Variants in LMBR1 observed in about 807,000 individuals in gnomAD.
LMBR1 encodes limb region 1 protein homolog.
LMBR1 carries 52 observed loss-of-function variants against 73.9 expected under a neutral mutation model. That is an observed-to-expected ratio of 0.70 (90% CI 0.56 to 0.89). The LOEUF is 0.89. LMBR1 is among the 40% of genes least tolerant of loss of function. The probability of loss-of-function intolerance (pLI) is 0.00; values close to 1 mark genes in which losing one functional copy is unlikely to be tolerated. For synonymous variants in LMBR1, 215 were observed against 209.4 expected (o/e 1.03, Z -0.23); for missense variants, 539 against 579.8 (o/e 0.93, Z 0.72).
intron 1 of LMBR1, among the ~76,000 whole-genome samples, chr7:156,842,388 T>G (rs1276824807): frequency 1.3e-5 from 2 of 151,984 alleles, no homozygotes; most frequent in African/African-American, 4.8e-5. Context: ...GTTATTTAAT[T>G]AAGATGTGCG....
intron 1 of LMBR1, among the ~76,000 whole-genome samples, chr7:156,843,539 C>T (rs1292987698): frequency 4.6e-5 from 7 of 152,080 alleles, no homozygotes; most frequent in Non-Finnish European, 1.0e-4. Flanking sequence ...AGGTGAAACA[C>T]AATCATTTCA....
At chr7:156,736,063 C>G (rs956350074) in intron 9 of LMBR1, among the ~76,000 whole-genome samples, 1 of 152,078 alleles carries the variant, frequency 6.6e-6, no homozygotes, top group Admixed American at 6.6e-5. Context: ...GACTCAGTCC[C>G]GAGTACTCCC....
At chr7:156,773,420 T>C (rs183803746) in intron 5 of LMBR1, among the ~76,000 whole-genome samples, 47 of 152,284 alleles carry the variant, frequency 3.1e-4, no homozygotes, top group Non-Finnish European at 5.7e-4. Context: ...GCTGGAGGTG[T>C]CACACTACCC....
At chr7:156,818,119 T>C (rs2133712006) in intron 4 of LMBR1, among the ~76,000 whole-genome samples, 1 of 152,362 alleles carries the variant, frequency 6.6e-6, no homozygotes, top group East Asian at 1.9e-4. Context: ...GGACTTACTT[T>C]TGACTTAGCA....
downstream of LMBR1, chr7:156,675,999 G>T (rs1240470843): frequency 1.1e-6 from 1 of 933,260 alleles, no homozygotes; most frequent in South Asian, 1.7e-5. Flanking sequence ...CAGCCGTGGA[G>T]GCTGTGGGGG....
intron 9 of LMBR1, among the ~76,000 whole-genome samples, chr7:156,739,302 A>G (rs1039410981): frequency 4.6e-5 from 7 of 151,920 alleles, no homozygotes; most frequent in Admixed American, 3.3e-4. Flanking sequence ...CTAGATTTCT[A>G]AAGTTTCTGA....
rs182736380 is a variant in LMBR1 at position 156,683,162 on chromosome 7, G to T, written c.*916C>A. 5 of 152,296 alleles carry T rather than the reference G, an allele frequency of 3.3e-5. No individual in the cohort carries two copies. In the East Asian group the frequency reaches 7.7e-4, roughly 23 times the overall value. The allele number at this position is 152,296 out of a possible 1,614,324, so 9.4% of individuals were successfully genotyped here. On this transcript the variant is annotated 3_prime_UTR_variant, in exon 17 of 17. Transcript: ENST00000353442. ...AAAGCCTGAGGACTATGAAGAAAGA[G>T]GAGTTTCTACCACTCGGCATTTATA... is the stretch of plus-strand genomic sequence containing the variant.
At chr7:156,817,051 C>T (rs965346352) in intron 4 of LMBR1, among the ~76,000 whole-genome samples, 10 of 152,044 alleles carry the variant, frequency 6.6e-5, no homozygotes, top group African/African-American at 2.2e-4. Context: ...ATATCCAATG[C>T]CCATCCCCAG....
At chr7:156,755,985 A>C (rs1183332794) in intron 9 of LMBR1, among the ~76,000 whole-genome samples, 1 of 152,226 alleles carries the variant, frequency 6.6e-6, no homozygotes, top group African/African-American at 2.4e-5. Context: ...CTGGCTTTTC[A>C]ACATTTGAAA....
At chr7:156,874,588 C>T (rs566203301) in intron 1 of LMBR1, among the ~76,000 whole-genome samples, 61 of 152,388 alleles carry the variant, frequency 4.0e-4, no homozygotes, top group Non-Finnish European at 8.1e-4. Flanking sequence ...CAGTTATCGA[C>T]AGCTGAGAGA....
chr7:156,888,825 C>A (rs1384870656), intron 1 of LMBR1, among the ~76,000 whole-genome samples: 1 of 152,090 alleles, frequency 6.6e-6, no homozygotes, highest in Non-Finnish European at 1.5e-5. Context: ...GAGGCTGAGG[C>A]AGGTGGATCA....
At chr7:156,839,047 CTT>C (rs1164786244) in intron 1 of LMBR1, among the ~76,000 whole-genome samples, 2,304 of 98,414 alleles carry the variant, frequency 0.023, 47 homozygotes, top group African/African-American at 0.085. Context: ...TAGTCCTTTG[CTT>C]TTTTTTTTTT....
intron 1 of LMBR1, among the ~76,000 whole-genome samples, chr7:156,853,396 C>T (rs890674429): frequency 1.1e-4 from 16 of 151,868 alleles, no homozygotes; most frequent in East Asian, 1.9e-4. Flanking sequence ...TTCCAAACTA[C>T]TTAATGTTAA....
chr7:156,839,788 T>C (rs1301859155), intron 1 of LMBR1, among the ~76,000 whole-genome samples: 1 of 152,150 alleles, frequency 6.6e-6, no homozygotes, highest in African/African-American at 2.4e-5. Flanking sequence ...GCATCAAAGA[T>C]TCCCTGCCAC....
At position 156,725,806 on chromosome 7, in the gene LMBR1, G is replaced by A. The variant is rs1314066185; in HGVS notation, c.1025C>T (p.Thr342Met). ...AAGCGCAGCTCCCACAAAACCAAAC[G>A]TAGAAAGAGAGGCATTTCCTATTCC... ...GPGIGNASLS[T>M]FGFVGAALEI... The change falls in exon 13 of 17, where the codon ACG (threonine) becomes ATG (methionine). Residue 342 changes from threonine to methionine, a missense_variant. Thr to Met is a moderately conservative substitution (Grantham distance 81, BLOSUM62 -1). Around this residue, in one of 3 missense-constraint regions of LMBR1, gnomAD observed 454 missense variants for 473.4 expected, o/e 0.96. Coordinates refer to ENST00000353442, the MANE Select transcript of LMBR1 (RefSeq NM_022458.4). 5.0e-6 allele frequency: 8 copies of A among 1,613,418 alleles called. No homozygotes were observed. The highest frequency in any genetic ancestry group is 2.2e-5 in the East Asian group (1 of 44,856).
At chr7:156,834,823 C>G (rs1219876281) in intron 2 of LMBR1, among the ~76,000 whole-genome samples, 1 of 151,908 alleles carries the variant, frequency 6.6e-6, no homozygotes, top group Admixed American at 6.6e-5. Context: ...CATAAACTTA[C>G]AAGCTAAAGA....
At chr7:156,870,481 A>G (rs1799106776) in intron 1 of LMBR1, among the ~76,000 whole-genome samples, 1 of 152,236 alleles carries the variant, frequency 6.6e-6, no homozygotes, top group Non-Finnish European at 1.5e-5. Context: ...AAATATCTCA[A>G]GATGCCGGGC....
chr7:156,762,323 C>A, intron 7 of LMBR1, 125 bp from the exon 8 acceptor site: 1 of 640,432 alleles, frequency 1.6e-6, no homozygotes, highest in South Asian at 2.1e-5. Flanking sequence ...TTCTTCTCTC[C>A]AACTGAGATT....
At chr7:156,879,000 G>A (rs1440350822) in intron 1 of LMBR1, among the ~76,000 whole-genome samples, 1 of 152,168 alleles carries the variant, frequency 6.6e-6, no homozygotes, top group Admixed American at 6.5e-5. Flanking sequence ...ACATGTAGGA[G>A]AATGAAACTG....
Sources: gnomAD v4.1 joint callset for allele counts (sites outside exome capture counted in the v4.1 genomes callset) on GRCh38, gnomAD v4.1.1 for gene constraint, gnomAD v4.1.1 regional missense constraint, MANE v1.5 for transcripts, NCBI Gene and HGNC (gene_info 2026-07-23, HGNC 2026-07-21) for gene names.